FBN2: variants seen among roughly 807,000 people sequenced by gnomAD.
FBN2 encodes the protein fibrillin-2.
In FBN2, 105 loss-of-function variants were observed where a neutral mutation model predicts 355.6. The ratio of observed to expected loss-of-function variants is 0.30; its 90% CI spans 0.25 to 0.35. The LOEUF is 0.35. Ranked by LOEUF, FBN2 falls within the 10% of genes least tolerant of loss-of-function variation. FBN2 has a pLI of 1.00. For missense variants in FBN2, 3,280 were observed against 3,758.7 expected (o/e 0.87, Z 3.33); for synonymous variants, 1,350 against 1,301.2 (o/e 1.04, Z -0.81).
chr5:128,399,486 T>C (rs1006474480), intron 8 of FBN2, among the ~76,000 whole-genome samples: 1 of 152,180 alleles, frequency 6.6e-6, no homozygotes, highest in Non-Finnish European at 1.5e-5. Flanking sequence ...AAGAGTTTTT[T>C]TGATAAACAA....
intron 5 of FBN2, among the ~76,000 whole-genome samples, chr5:128,506,097 A>G (rs1755951163): frequency 6.6e-6 from 1 of 152,210 alleles, no homozygotes; most frequent in South Asian, 2.1e-4. Context: ...AGCAATGCAT[A>G]CAGTAGAATG....
At chr5:128,443,797 T>C (rs1170682579) in intron 7 of FBN2, among the ~76,000 whole-genome samples, 1 of 152,194 alleles carries the variant, frequency 6.6e-6, no homozygotes, top group East Asian at 1.9e-4. Context: ...TACTATGTTT[T>C]ATATTTGCAC....
intron 11 of FBN2, among the ~76,000 whole-genome samples, chr5:128,391,057 A>C (rs1242667289): frequency 6.6e-6 from 1 of 152,230 alleles, no homozygotes; most frequent in Non-Finnish European, 1.5e-5. Context: ...AATGCATGTT[A>C]CAAAATCCAC....
chr5:128,391,936 A>T, intron 11 of FBN2, 82 bp downstream of exon 11: 1 of 1,323,628 alleles, frequency 7.6e-7, no homozygotes, highest in Non-Finnish European at 1.1e-6. Flanking sequence ...ACTTAAAAAA[A>T]TCATATTCAT....
chr5:128,334,753 A>T lies in FBN2; in HGVS notation c.4065T>A (p.Gly1355=), dbSNP rs1417461668. 1 of 1,614,090 alleles carries T rather than the reference A, an allele frequency of 6.2e-7. No homozygotes were observed. The highest frequency in any genetic ancestry group is 1.7e-5 in the Admixed American group (1 of 60,014). ...CTGTGGTCCCCTTCTTCACTGAGTAACCCAGCTGACAGTGGCAAATGAAGG... is the reference window on the plus strand; with the variant it reads ...CTGTGGTCCCCTTCTTCACTGAGTATCCCAGCTGACAGTGGCAAATGAAGG... The part of the protein sequence containing the change: ...KGSFICHCQL[G]YSVKKGTTGC... The change falls in exon 31 of 65, where the codon GGT becomes GGA. Residue 1355 remains glycine (G), a synonymous_variant. Transcript: ENST00000262464.
chr5:128,317,844 CTGGGTT>C (rs1750251792), intron 36 of FBN2, among the ~76,000 whole-genome samples: 2 of 152,180 alleles, frequency 1.3e-5, no homozygotes, highest in Non-Finnish European at 2.9e-5. Flanking sequence ...TACCACCACT[CTGGGTT>C]ATCCTGGCCA....
intron 34 of FBN2, chr5:128,328,184 T>C (rs1750605280): frequency 1.0e-5 from 2 of 193,260 alleles, no homozygotes; most frequent in Non-Finnish European, 2.2e-5. Flanking sequence ...AGGTGGATGA[T>C]GTCATCACTT....
At chr5:128,321,101 T>C (rs1750359138) in intron 34 of FBN2, among the ~76,000 whole-genome samples, 1 of 152,220 alleles carries the variant, frequency 6.6e-6, no homozygotes, top group Non-Finnish European at 1.5e-5. Context: ...TCATTGCTGA[T>C]TGTTCTTTCT....
intron 11 of FBN2, among the ~76,000 whole-genome samples, chr5:128,386,740 T>C (rs893868519): frequency 6.6e-6 from 1 of 152,122 alleles, no homozygotes; most frequent in East Asian, 1.9e-4. Context: ...ATAAAATACA[T>C]TTATTGATTT....
intron 18 of FBN2, among the ~76,000 whole-genome samples, chr5:128,363,518 T>C (rs986684764): frequency 6.6e-6 from 1 of 152,192 alleles, no homozygotes; most frequent in Non-Finnish European, 1.5e-5. Context: ...CCCATTTTTC[T>C]AAGCTATGGA....
Position 128,374,587 on chromosome 5 carries a change from T to A in FBN2, c.2095+41A>T, listed in dbSNP as rs369254672. 1.9e-6 allele frequency: 3 copies of A among 1,613,336 alleles called. No homozygotes were observed. In the African/African-American group the frequency reaches 4.0e-5, roughly 22 times the overall value. Reference sequence around the variant, plus strand: ...AATATCTCTGTCAGTTTTTCAAAGATCATTTTGCACAGTGGGGCCATTATA... The same window carrying A: ...AATATCTCTGTCAGTTTTTCAAAGAACATTTTGCACAGTGGGGCCATTATA... On this transcript the variant is annotated intron_variant, in intron 15 of 64. Transcript: ENST00000262464.
chr5:128,298,653 T>C (rs1229478416), intron 48 of FBN2, among the ~76,000 whole-genome samples: 1 of 152,244 alleles, frequency 6.6e-6, no homozygotes, highest in African/African-American at 2.4e-5. Flanking sequence ...TCTGCATTCT[T>C]CACGTAGTTC....
chr5:128,306,036 G>A (rs956054619), intron 42 of FBN2, 88 bp from the exon 43 acceptor site: 3 of 1,296,172 alleles, frequency 2.3e-6, no homozygotes, highest in Middle Eastern at 1.8e-4. Context: ...TGTACCCTGG[G>A]ATGAGTACAA....
At chr5:128,347,058 T>C (rs895608855) in intron 23 of FBN2, among the ~76,000 whole-genome samples, 3 of 152,208 alleles carry the variant, frequency 2.0e-5, no homozygotes, top group African/African-American at 4.8e-5. Context: ...CCGTCCCATA[T>C]GTCAGCAGCT....
intron 19 of FBN2, 113 bp downstream of exon 19, chr5:128,361,610 A>G: frequency 1.5e-6 from 2 of 1,344,158 alleles, no homozygotes; most frequent in Non-Finnish European, 2.1e-6. Flanking sequence ...AGATTATAAA[A>G]TAAAATATTC....
intron 10 of FBN2, among the ~76,000 whole-genome samples, 182 bp downstream of exon 10, chr5:128,392,953 T>C (rs1315338636): frequency 1.3e-5 from 2 of 152,210 alleles, no homozygotes; most frequent in East Asian, 3.8e-4. Context: ...AATTTAGTAT[T>C]ACTATGTATC....
At chr5:128,480,405 C>A (rs1186083684) in intron 5 of FBN2, among the ~76,000 whole-genome samples, 1 of 151,948 alleles carries the variant, frequency 6.6e-6, no homozygotes, top group African/African-American at 2.4e-5. Context: ...CAGCTACACG[C>A]CTATGGTCTT....
chr5:128,390,361 A>G (rs917306177), intron 11 of FBN2, among the ~76,000 whole-genome samples: 3 of 152,114 alleles, frequency 2.0e-5, no homozygotes, highest in African/African-American at 7.2e-5. Flanking sequence ...AATCATATTA[A>G]GATGCTATTT....
At chr5:128,454,411 C>T (rs1263219878) in intron 6 of FBN2, among the ~76,000 whole-genome samples, 2 of 152,132 alleles carry the variant, frequency 1.3e-5, no homozygotes, top group Non-Finnish European at 2.9e-5. Flanking sequence ...TAAAGTTAGA[C>T]TTTATAATGA....
Sources: gnomAD v4.1 joint callset for allele counts (sites outside exome capture counted in the v4.1 genomes callset) on GRCh38, gnomAD v4.1.1 for gene constraint, MANE v1.5 for transcripts, NCBI Gene and HGNC (gene_info 2026-07-23, HGNC 2026-07-21) for gene names.